ASZ1: variants seen among roughly 807,000 people sequenced by gnomAD.
The protein encoded by ASZ1 is ankyrin repeat, SAM and basic leucine zipper domain-containing protein 1.
A neutral mutation model predicts 61.8 loss-of-function variants in ASZ1; 67 were observed. That is an observed-to-expected ratio of 1.08 (90% CI 0.89 to 1.33). The LOEUF (loss-of-function observed/expected upper bound fraction) is 1.33, where lower values mean the gene tolerates loss of function less well. Among genes scored for constraint, ASZ1 ranks in the 40% most tolerant of loss-of-function variants. ASZ1 has a pLI of 0.00. For synonymous variants in ASZ1, 193 were observed against 192.7 expected (o/e 1.00, Z -0.01); for missense variants, 577 against 554.5 (o/e 1.04, Z -0.41).
chr7:117,377,119 CAAATA>C (rs1474534063), intron 10 of ASZ1, among the ~76,000 whole-genome samples: 1 of 151,886 alleles, frequency 6.6e-6, no homozygotes, highest in Non-Finnish European at 1.5e-5. Flanking sequence ...CACATGGAAA[CAAATA>C]AAAAGAGAAA....
chr7:117,399,220 CTG>C (rs1796632256), intron 4 of ASZ1, among the ~76,000 whole-genome samples: 1 of 152,174 alleles, frequency 6.6e-6, no homozygotes, highest in Non-Finnish European at 1.5e-5. Context: ...CAGAGCAAGA[CTG>C]TGTCTCAAAA....
intron 12 of ASZ1, among the ~76,000 whole-genome samples, chr7:117,364,371 C>T (rs1217233796): frequency 1.3e-5 from 2 of 151,620 alleles, no homozygotes; most frequent in African/African-American, 4.8e-5. Flanking sequence ...TGTGTGTGCC[C>T]ACTCTGTGTG....
At position 117,384,866 on chromosome 7, in the gene ASZ1, A is replaced by C; in HGVS notation, c.553-6T>G. On this transcript the variant is annotated splice_region_variant and splice_polypyrimidine_tract_variant and intron_variant, in intron 5 of 12. Transcript: ENST00000284629. ...CGTGCTGCCCACGTTAAAGCCTGTA[A>C]GTAGGGGGAAAAGAAGATTGTTTAA... is the stretch of plus-strand genomic sequence containing the variant. The C allele has an allele frequency of 6.4e-7, 1 of 1,563,098 alleles. No individual in the cohort carries two copies. Among genetic ancestry groups the C allele is most frequent in the South Asian group, 1.2e-5 (1 of 81,518 alleles).
intron 4 of ASZ1, among the ~76,000 whole-genome samples, chr7:117,399,223 T>C (rs780922888): frequency 3.2e-4 from 48 of 152,284 alleles, no homozygotes; most frequent in Middle Eastern, 3.4e-3. Flanking sequence ...AGCAAGACTG[T>C]GTCTCAAAAC....
intron 4 of ASZ1, among the ~76,000 whole-genome samples, chr7:117,387,962 C>A (rs1280539000): frequency 6.6e-6 from 1 of 152,040 alleles, no homozygotes; most frequent in Non-Finnish European, 1.5e-5. Flanking sequence ...GTATCAAGAA[C>A]AAGAGAAGTA....
intron 4 of ASZ1, among the ~76,000 whole-genome samples, chr7:117,409,887 A>AT (rs1371214845): frequency 6.6e-6 from 1 of 151,760 alleles, no homozygotes; most frequent in Non-Finnish European, 1.5e-5. Context: ...TAAGGAATGG[A>AT]TGAGGACCAT....
At chr7:117,410,136 G>T (rs1333492940) in intron 4 of ASZ1, among the ~76,000 whole-genome samples, 1 of 151,682 alleles carries the variant, frequency 6.6e-6, no homozygotes, top group Admixed American at 6.6e-5. Flanking sequence ...CATAACTAAA[G>T]TGTGATTCTT....
chr7:117,427,259 C>T (rs1797240405), intron 1 of ASZ1, 97 bp downstream of exon 1: 1 of 1,312,962 alleles, frequency 7.6e-7, no homozygotes. Context: ...GGGAAATACA[C>T]GTGAGGGAGT....
chr7:117,423,330 T>G (rs1338565153), intron 2 of ASZ1, among the ~76,000 whole-genome samples: 1 of 152,142 alleles, frequency 6.6e-6, no homozygotes, highest in African/African-American at 2.4e-5. Flanking sequence ...CTAATTTTAA[T>G]TGATATAAGG....
intron 4 of ASZ1, among the ~76,000 whole-genome samples, chr7:117,407,771 T>G (rs1287077073): frequency 1.3e-5 from 2 of 152,308 alleles, no homozygotes; most frequent in Non-Finnish European, 1.5e-5. Context: ...TGACATAGTG[T>G]TAAGCTACTT....
At chr7:117,391,854 A>C (rs755274391) in intron 4 of ASZ1, among the ~76,000 whole-genome samples, 1 of 151,856 alleles carries the variant, frequency 6.6e-6, no homozygotes, top group Non-Finnish European at 1.5e-5. Context: ...GTGCAGTGGC[A>C]TGATCTCGGG....
Position 117,427,337 on chromosome 7 carries a change from A to G in ASZ1, c.105+19T>C. ...GAGGCTGAAACCAGGTGTGGTCAAG[A>G]CAAGGCCTCCTCCGCTACCTGAGAC... On this transcript the variant is annotated intron_variant, in intron 1 of 12. Coordinates refer to ENST00000284629, the MANE Select transcript of ASZ1 (RefSeq NM_130768.3). 1 of 1,613,534 alleles carries G rather than the reference A, an allele frequency of 6.2e-7. No individual in the cohort carries two copies. Among genetic ancestry groups the G allele is most frequent in the Non-Finnish European group, 8.5e-7 (1 of 1,179,410 alleles).
At chr7:117,373,442 TG>T (rs1174683957) in intron 10 of ASZ1, among the ~76,000 whole-genome samples, 1 of 152,184 alleles carries the variant, frequency 6.6e-6, no homozygotes, top group African/African-American at 2.4e-5. Flanking sequence ...GTGTATGCAT[TG>T]TTGTAACAGA....
chr7:117,419,774 A>G (rs1797064644), intron 4 of ASZ1, among the ~76,000 whole-genome samples: 1 of 152,176 alleles, frequency 6.6e-6, no homozygotes, highest in African/African-American at 2.4e-5. Context: ...GAAAATAGAA[A>G]ATGGATATAT....
At chr7:117,379,156 TATATATATATATAC>T (rs1339318546) in intron 10 of ASZ1, among the ~76,000 whole-genome samples, 4 of 57,840 alleles carry the variant, frequency 6.9e-5, no homozygotes, top group Middle Eastern at 8.1e-3. Context: ...TATATATATA[TATATATATATATAC>T]ACACACACAC....
chr7:117,368,083 C>T (rs951034062), intron 11 of ASZ1: 2 of 360,882 alleles, frequency 5.5e-6, no homozygotes, highest in Non-Finnish European at 7.7e-6. Context: ...TGCCATCATG[C>T]GCAGCTAATT....
chr7:117,421,021 T>C (rs1049747474), intron 3 of ASZ1, among the ~76,000 whole-genome samples: 2 of 152,208 alleles, frequency 1.3e-5, no homozygotes, highest in Non-Finnish European at 2.9e-5. Context: ...GTATCTGCCC[T>C]TTGTATGTAA....
rs776497231 is a variant in ASZ1 at position 117,426,819 on chromosome 7, T to C, written c.205+17A>G. On this transcript the variant is annotated intron_variant, in intron 2 of 12. Coordinates refer to ENST00000284629, the MANE Select transcript of ASZ1 (RefSeq NM_130768.3). ...TAAGACAGCTGTGTTCAGATGAAAC[T>C]GTCCCTTATCTCTCACCAGAATCTA... 29 of 1,578,640 alleles carry C rather than the reference T, an allele frequency of 1.8e-5. No homozygotes were observed. The highest frequency in any genetic ancestry group is 2.4e-5 in the Non-Finnish European group (28 of 1,164,554).
chr7:117,391,774 G>A (rs1175229300), intron 4 of ASZ1, among the ~76,000 whole-genome samples: 3 of 151,812 alleles, frequency 2.0e-5, no homozygotes, highest in East Asian at 3.9e-4. Context: ...GGCTGTTCAG[G>A]TTCTTTTTTG....
Sources: gnomAD v4.1 joint callset for allele counts (sites outside exome capture counted in the v4.1 genomes callset) on GRCh38, gnomAD v4.1.1 for gene constraint, MANE v1.5 for transcripts, NCBI Gene and HGNC (gene_info 2026-07-23, HGNC 2026-07-21) for gene names.